The following PLEKHM3 variants were observed in gnomAD, a reference collection of about 807,000 sequenced individuals.
The protein encoded by PLEKHM3 is pleckstrin homology domain containing M3, also known as pleckstrin homology domain-containing family M member 3.
In PLEKHM3, 45 loss-of-function variants were observed where a neutral mutation model predicts 81.8. The ratio of observed to expected loss-of-function variants is 0.55; its 90% CI spans 0.43 to 0.71. The LOEUF is 0.71. Among genes scored for constraint, PLEKHM3 ranks in the 30% least tolerant of loss-of-function variants. The pLI is 0.00. For synonymous variants in PLEKHM3, 352 were observed against 356.4 expected, an observed-to-expected ratio of 0.99 and a Z score of 0.14; for missense variants, 788 against 924.3, an observed-to-expected ratio of 0.85 and a Z score of 1.91.
intron 1 of PLEKHM3, among the ~76,000 whole-genome samples, chr2:208,013,462 G>A (rs1263088524): frequency 2.0e-5 from 3 of 150,756 alleles, no homozygotes; most frequent in Non-Finnish European, 4.4e-5. Flanking sequence ...GTTGTGGTGA[G>A]CCGAGATCAC....
At chr2:207,919,304 C>T (rs931537434) in intron 5 of PLEKHM3, among the ~76,000 whole-genome samples, 2 of 152,120 alleles carry the variant, frequency 1.3e-5, no homozygotes, top group Non-Finnish European at 2.9e-5. Context: ...AAGTAGTGGG[C>T]GATGAGGCAG....
chr2:208,008,574 C>T (rs1034669280), intron 1 of PLEKHM3, among the ~76,000 whole-genome samples: 1 of 148,012 alleles, frequency 6.8e-6, no homozygotes, highest in Non-Finnish European at 1.5e-5. Flanking sequence ...TTATACCTTA[C>T]AACCTGACAC....
At chr2:207,903,172 A>G (rs1229421620) in intron 6 of PLEKHM3, among the ~76,000 whole-genome samples, 1 of 152,192 alleles carries the variant, frequency 6.6e-6, no homozygotes, top group African/African-American at 2.4e-5. Context: ...TTTCAAATGA[A>G]TTTCTGCCAA....
intron 6 of PLEKHM3, among the ~76,000 whole-genome samples, chr2:207,873,577 C>A (rs1436054102): frequency 1.3e-5 from 2 of 152,200 alleles, no homozygotes; most frequent in Non-Finnish European, 2.9e-5. Flanking sequence ...AGAAGATACT[C>A]CAGGAAATTC....
At chr2:207,879,865 A>T (rs1386269500) in intron 6 of PLEKHM3, among the ~76,000 whole-genome samples, 2 of 150,060 alleles carry the variant, frequency 1.3e-5, no homozygotes, top group Non-Finnish European at 3.0e-5. Context: ...TATGCAGGGT[A>T]AAAAAAAATA....
At chr2:207,873,942 C>T (rs1483480669) in intron 6 of PLEKHM3, among the ~76,000 whole-genome samples, 1 of 152,192 alleles carries the variant, frequency 6.6e-6, no homozygotes, top group African/African-American at 2.4e-5. Context: ...ACAAGCCCTG[C>T]ATGTACATTG....
chr2:207,957,193 T>C (rs1025326265), intron 3 of PLEKHM3, among the ~76,000 whole-genome samples: 1 of 152,146 alleles, frequency 6.6e-6, no homozygotes, highest in Non-Finnish European at 1.5e-5. Context: ...GTTCAAAAAA[T>C]TTGAGCTACC....
At chr2:208,003,597 T>C (rs917869669) in intron 1 of PLEKHM3, among the ~76,000 whole-genome samples, 3 of 152,222 alleles carry the variant, frequency 2.0e-5, no homozygotes, top group African/African-American at 7.2e-5. Context: ...TACTTTTATA[T>C]ATTTTGATAT....
intron 3 of PLEKHM3, among the ~76,000 whole-genome samples, chr2:207,949,551 A>T (rs973724603): frequency 6.6e-6 from 1 of 152,156 alleles, no homozygotes; most frequent in African/African-American, 2.4e-5. Flanking sequence ...AAAGAAAAAA[A>T]TTTTTTAAAA....
intron 4 of PLEKHM3, among the ~76,000 whole-genome samples, chr2:207,939,050 A>G (rs1689850709): frequency 6.6e-6 from 1 of 152,146 alleles, no homozygotes; most frequent in Non-Finnish European, 1.5e-5. Flanking sequence ...GGCAAGTGCC[A>G]CACGCCTAAG....
chr2:208,017,690 C>T (rs1692969701), intron 1 of PLEKHM3, among the ~76,000 whole-genome samples: 1 of 152,142 alleles, frequency 6.6e-6, no homozygotes, highest in African/African-American at 2.4e-5. Context: ...CTCCATTTCT[C>T]ATTGCCCATT....
rs1246181220 is a variant in PLEKHM3, at chr2:207,823,575, T to C, written c.*4744A>G. 6.6e-6 allele frequency: 1 copy of C among 152,254 alleles called. No individual in the cohort carries two copies. The highest frequency in any genetic ancestry group is 1.5e-5 in the Non-Finnish European group (1 of 68,062). The allele number at this position is 152,254 out of a possible 1,614,324, so 9.4% of individuals were successfully genotyped here. ...ACCTCGGCCTTCAAAGTGTTGGGATTACAGGCATGAGCCACTACGTTCAGC... is the reference window on the plus strand; with the variant it reads ...ACCTCGGCCTTCAAAGTGTTGGGATCACAGGCATGAGCCACTACGTTCAGC... On this transcript the variant is annotated 3_prime_UTR_variant, in exon 8 of 8. Coordinates refer to ENST00000427836, the MANE Select transcript of PLEKHM3 (RefSeq NM_001080475.3).
chr2:208,008,223 G>A (rs1692562891), intron 1 of PLEKHM3, among the ~76,000 whole-genome samples: 1 of 151,860 alleles, frequency 6.6e-6, no homozygotes, highest in South Asian at 2.1e-4. Flanking sequence ...GGGGGACAGA[G>A]TGAGACCCTG....
intron 5 of PLEKHM3, among the ~76,000 whole-genome samples, chr2:207,910,098 G>T (rs1354297838): frequency 6.6e-6 from 1 of 152,214 alleles, no homozygotes; most frequent in Non-Finnish European, 1.5e-5. Flanking sequence ...GGAATGAGAT[G>T]AGTGACAAGG....
chr2:207,946,832 C>T (rs1034400422), intron 3 of PLEKHM3, among the ~76,000 whole-genome samples: 2 of 152,186 alleles, frequency 1.3e-5, no homozygotes, highest in African/African-American at 4.8e-5. Context: ...TCCTCACTGC[C>T]CTGCTCAGAA....
intron 2 of PLEKHM3, among the ~76,000 whole-genome samples, chr2:207,978,172 G>A (rs112192275): frequency 2.9e-4 from 36 of 123,634 alleles, no homozygotes; most frequent in African/African-American, 8.5e-4. Flanking sequence ...CAACATCAAC[G>A]GAGCGTGCAA....
At chr2:207,990,786 G>A (rs1383837826) in intron 2 of PLEKHM3, among the ~76,000 whole-genome samples, 4 of 152,174 alleles carry the variant, frequency 2.6e-5, no homozygotes, top group Non-Finnish European at 5.9e-5. Flanking sequence ...TGTTCTGGTA[G>A]AAATGAACTA....
At chr2:207,891,759 GATTC>G (rs1688066732) in intron 6 of PLEKHM3, among the ~76,000 whole-genome samples, 1 of 152,236 alleles carries the variant, frequency 6.6e-6, no homozygotes, top group South Asian at 2.1e-4. Flanking sequence ...TCCTATAACT[GATTC>G]ATTCATTCAC....
chr2:207,990,095 T>C (rs1207556343), intron 2 of PLEKHM3, among the ~76,000 whole-genome samples: 1 of 152,168 alleles, frequency 6.6e-6, no homozygotes, highest in Non-Finnish European at 1.5e-5. Context: ...TGACGTCCCT[T>C]TACATGGACA....
Sources: gnomAD v4.1 joint callset for allele counts (sites outside exome capture counted in the v4.1 genomes callset) on GRCh38, gnomAD v4.1.1 for gene constraint, MANE v1.5 for transcripts, NCBI Gene and HGNC (gene_info 2026-07-23, HGNC 2026-07-21) for gene names.